Variants in GNAS observed in about 807,000 individuals in gnomAD.
GNAS encodes protein ALEX.
In GNAS, 8 loss-of-function variants were observed where a neutral mutation model predicts 54.5. The observed-to-expected ratio is 0.15, with a 90% CI of 0.09 to 0.26. The LOEUF is 0.26. GNAS is among the 10% of genes least tolerant of loss of function. GNAS has a pLI of 1.00. For missense variants in GNAS, 170 were observed against 529.8 expected, an observed-to-expected ratio of 0.32 and a Z score of 6.67; for synonymous variants, 204 against 191.4, an observed-to-expected ratio of 1.07 and a Z score of -0.54.
At chr20:58,894,529 TAAC>T (rs749363518) in intron 1 of GNAS, among the ~76,000 whole-genome samples, 1 of 152,168 alleles carries the variant, frequency 6.6e-6, no homozygotes, top group African/African-American at 2.4e-5. Context: ...AAAAAGGTAA[TAAC>T]AGATTTGTGT....
At chr20:58,907,977 C>CTGT (rs1284417474) in intron 6 of GNAS, among the ~76,000 whole-genome samples, 5 of 152,226 alleles carry the variant, frequency 3.3e-5, no homozygotes, top group Admixed American at 1.3e-4. Flanking sequence ...AACTGTGGTT[C>CTGT]TGTTGCCATG....
At chr20:58,871,800 C>A (rs928810058) in intron 1 of GNAS, among the ~76,000 whole-genome samples, 2 of 151,920 alleles carry the variant, frequency 1.3e-5, no homozygotes, top group African/African-American at 2.4e-5. Flanking sequence ...AGTGCCTTTG[C>A]CAAGTTTAGC....
chr20:58,894,628 C>T (rs1261691051), intron 1 of GNAS, among the ~76,000 whole-genome samples: 1 of 152,180 alleles, frequency 6.6e-6, no homozygotes, highest in Non-Finnish European at 1.5e-5. Flanking sequence ...AATCCTCCCT[C>T]TAGCTTGATG....
chr20:58,854,059 G>A (rs1200405971), intron 1 of GNAS: 3 of 1,610,976 alleles, frequency 1.9e-6, no homozygotes, highest in South Asian at 1.1e-5. Flanking sequence ...AGTGCGGTCC[G>A]CCTCACTCCC....
chr20:58,846,971 G>A (rs2085964076), intron 1 of GNAS, among the ~76,000 whole-genome samples: 1 of 152,124 alleles, frequency 6.6e-6, no homozygotes. Context: ...TTCCCATGGT[G>A]CTGTTCATCT....
intron 5 of GNAS, among the ~76,000 whole-genome samples, chr20:58,904,559 G>A (rs1156699455): frequency 6.6e-6 from 1 of 152,196 alleles, no homozygotes. Context: ...GAAACGAGAT[G>A]GAAAGATGTA....
chr20:58,904,100 T>C (rs538176149), intron 5 of GNAS, among the ~76,000 whole-genome samples: 2 of 152,222 alleles, frequency 1.3e-5, no homozygotes, highest in East Asian at 1.9e-4. Flanking sequence ...CTTTATTAGA[T>C]TGTAAATTTT....
At chr20:58,854,231 C>T (rs762117523) in intron 1 of GNAS, 1 of 1,613,238 alleles carries the variant, frequency 6.2e-7, no homozygotes, top group South Asian at 1.1e-5. Context: ...ACGACACTCC[C>T]GTCAACATGG....
chr20:58,890,856 G>C (rs549550643), upstream of GNAS: 1 of 152,414 alleles, frequency 6.6e-6, no homozygotes, highest in African/African-American at 2.4e-5. Context: ...TCTGTCCTTT[G>C]GTTCGTGCTC....
At chr20:58,864,975 ACT>A (rs113376325) in intron 1 of GNAS, among the ~76,000 whole-genome samples, 123 of 146,662 alleles carry the variant, frequency 8.4e-4, no homozygotes, top group Non-Finnish European at 8.5e-4. Context: ...ACGCACGCAC[ACT>A]CTCTCTCTCT....
At chr20:58,852,639 T>C in intron 1 of GNAS, 1 of 182,858 alleles carries the variant, frequency 5.5e-6, no homozygotes, top group Non-Finnish European at 1.2e-5. Flanking sequence ...TACTCCAGCG[T>C]TCCGAGGCCC....
At position 58,853,820 on chromosome 20, in the gene GNAS, T is replaced by G. The variant is rs763674813; in HGVS notation, c.43+12934T>G. On this transcript the variant is annotated intron_variant, in intron 1 of 12. Coordinates refer to the GNAS transcript ENST00000306090. This position sits in a 1 kb window ranked among gnomAD's most constrained non-coding sequence, Gnocchi z 4.4. ...TTCTCTTACAGGTCCCAGACCTTGC[T>G]CCAGGAGGCCCAGGTGCTGCAGGGG... The G allele has an allele frequency of 1.1e-5, 18 of 1,603,016 alleles. No homozygotes were observed. Among genetic ancestry groups the G allele is most frequent in the Admixed American group, 1.7e-5 (1 of 58,200 alleles).
At position 58,895,437 on chromosome 20, in the gene GNAS, A is replaced by C. The variant is rs1601025578; in HGVS notation, c.140-175A>C. On this transcript the variant is annotated intron_variant, in intron 1 of 12. Transcript: ENST00000371085. ...ATACTGCAGGTAGACACTGAATTGG[A>C]CATTGATTTCCTTTTCTCTGCGTCG... The C allele has an allele frequency of 2.3e-5, 15 of 654,996 alleles. No individual in the cohort carries two copies. In the East Asian group the frequency reaches 4.1e-4, roughly 18 times the overall value. The allele number at this position is 654,996 out of a possible 1,614,324, so 40.6% of individuals were successfully genotyped here.
chr20:58,895,637 C>A lies in GNAS; in HGVS notation c.165C>A (p.Thr55=). The change falls in exon 2 of 13, where the codon ACC becomes ACA. Residue 55 remains threonine (T), a synonymous_variant. Coordinates refer to ENST00000371085, the MANE Select transcript of GNAS (RefSeq NM_000516.7). ...GTGCTGGAGAATCTGGTAAAAGCAC[C>A]ATTGTGAAGCAGATGAGGATCCTGC... The part of the protein sequence containing the change: ...LLGAGESGKS[T]IVKQMRILHV... 1 of 1,605,900 alleles carries A rather than the reference C, an allele frequency of 6.2e-7. No individual in the cohort carries two copies. The highest frequency in any genetic ancestry group is 8.5e-7 in the Non-Finnish European group (1 of 1,172,546).
rs2742268 is a variant in GNAS at position 58,853,308 on chromosome 20, C to A, written c.43+12422C>A. The A allele has an allele frequency of 3.9e-6, 6 of 1,550,234 alleles. No homozygotes were observed. Among genetic ancestry groups the A allele is most frequent in the Non-Finnish European group, 5.2e-6 (6 of 1,146,674 alleles). ...CCTCTACGGCAATAATATGTCAGGA[C>A]AACGCGATATCCCCCCTGAAATCGG... On this transcript the variant is annotated intron_variant, in intron 1 of 12. Coordinates refer to the GNAS transcript ENST00000306090. This position sits in a 1 kb window ranked among gnomAD's most constrained non-coding sequence, Gnocchi z 4.4.
At chr20:58,848,383 C>T (rs1361038239) in intron 1 of GNAS, among the ~76,000 whole-genome samples, 1 of 152,144 alleles carries the variant, frequency 6.6e-6, no homozygotes, top group Non-Finnish European at 1.5e-5. Context: ...TTTTCAGGCA[C>T]CAGCCTCTCC....
At chr20:58,879,771 A>G (rs765365100) in intron 1 of GNAS, among the ~76,000 whole-genome samples, 2 of 152,144 alleles carry the variant, frequency 1.3e-5, no homozygotes, top group African/African-American at 2.4e-5. Context: ...GTGTGGAAAG[A>G]TATCTTTATG....
intron 1 of GNAS, among the ~76,000 whole-genome samples, chr20:58,878,117 G>A (rs1415582224): frequency 2.6e-5 from 4 of 152,206 alleles, no homozygotes; most frequent in African/African-American, 9.7e-5. Flanking sequence ...AGAGCCTCTG[G>A]TGCAGACTTA....
intron 1 of GNAS, among the ~76,000 whole-genome samples, chr20:58,893,012 T>C (rs1296442827): frequency 1.3e-5 from 2 of 149,076 alleles, no homozygotes. Context: ...CAGATAAAAC[T>C]GGAGAATGAC....
Sources: gnomAD v4.1 joint callset for allele counts (sites outside exome capture counted in the v4.1 genomes callset) on GRCh38, gnomAD v4.1.1 for gene constraint, Gnocchi (gnomAD v3.1) non-coding constraint, MANE v1.5 for transcripts, NCBI Gene and HGNC (gene_info 2026-07-23, HGNC 2026-07-21) for gene names.